The following ABLIM2 variants were observed in gnomAD, a reference collection of about 807,000 sequenced individuals.
ABLIM2 encodes actin binding LIM protein family member 2.
In ABLIM2, 53 loss-of-function variants were observed where a neutral mutation model predicts 97.7. The observed-to-expected ratio is 0.54, with a 90% CI of 0.44 to 0.68. The LOEUF is 0.68. Ranked by LOEUF, ABLIM2 falls within the 30% of genes least tolerant of loss-of-function variation. The probability of loss-of-function intolerance (pLI) is 0.00; values close to 1 mark genes in which losing one functional copy is unlikely to be tolerated. For missense variants in ABLIM2, 835 were observed against 867.2 expected (o/e 0.96, Z 0.47); for synonymous variants, 361 against 345.8 (o/e 1.04, Z -0.49).
chr4:8,136,276 G>C (rs1005917127), intron 1 of ABLIM2, among the ~76,000 whole-genome samples: 23 of 152,172 alleles, frequency 1.5e-4, no homozygotes, highest in African/African-American at 5.6e-4. Flanking sequence ...AGGGTGGGTG[G>C]CAGGGGCCGG....
Position 8,155,611 on chromosome 4 carries a change from AC to A in ABLIM2, c.10+3068del, listed in dbSNP as rs1561652334. ...TCTAAATTCATATGCTGAAGTCCTAACCCCCAGTACTCCAGGATGTGACTAT... is the reference window on the plus strand; with the variant it reads ...TCTAAATTCATATGCTGAAGTCCTAACCCCAGTACTCCAGGATGTGACTAT... On this transcript the variant is annotated intron_variant, in intron 1 of 20. Coordinates refer to ENST00000447017, the MANE Select transcript of ABLIM2 (RefSeq NM_001130083.2). The surrounding 1 kb of genome is among the most constrained non-coding windows in gnomAD (Gnocchi z 4.2). Among the ~76,000 whole-genome samples the A allele has an allele frequency of 6.6e-6, 1 of 151,954 alleles. No individual in the cohort carries two copies. The highest frequency in any genetic ancestry group is 1.9e-4 in the East Asian group (1 of 5,164).
chr4:8,013,979 A>G (rs1766913107), intron 14 of ABLIM2, among the ~76,000 whole-genome samples: 1 of 152,196 alleles, frequency 6.6e-6, no homozygotes, highest in South Asian at 2.1e-4. Context: ...CTAACCTCCA[A>G]GGATCTCTTG....
chr4:7,995,376 G>A (rs1253802922), intron 16 of ABLIM2, among the ~76,000 whole-genome samples: 3 of 152,224 alleles, frequency 2.0e-5, no homozygotes, highest in East Asian at 1.9e-4. Flanking sequence ...AGGCCTCCGA[G>A]GGGAAGGTGG....
rs1847092367 is a variant in ABLIM2, at chr4:8,124,726, T to A, written c.11-18089A>T. Among the ~76,000 whole-genome samples the A allele has an allele frequency of 6.6e-6, 1 of 152,240 alleles. No individual in the cohort carries two copies. Among genetic ancestry groups the A allele is most frequent in the South Asian group, 2.1e-4 (1 of 4,826 alleles). On this transcript the variant is annotated intron_variant, in intron 1 of 20. Transcript: ENST00000447017. The surrounding 1 kb of genome is among the most constrained non-coding windows in gnomAD (Gnocchi z 6.1). ...TAACACGGCTATGAACATTCGAGTG[T>A]GAATATTCGTGTGGACATAGGTTTG... is the stretch of plus-strand genomic sequence containing the variant.
At position 8,151,320 on chromosome 4, in the gene ABLIM2, A is replaced by G. The variant is rs142690147; in HGVS notation, c.10+7360T>C. Among the ~76,000 whole-genome samples the G allele has an allele frequency of 1.6e-4, 25 of 152,250 alleles. No homozygotes were observed. In the East Asian group the frequency reaches 4.8e-3, roughly 29 times the overall value. Reference sequence around the variant, plus strand: ...AGGCCTGGAAGCTGCTGATGGCGAGAAGCCCCAGAGCCAGCCCTGGCACCC... The same window carrying G: ...AGGCCTGGAAGCTGCTGATGGCGAGGAGCCCCAGAGCCAGCCCTGGCACCC... On this transcript the variant is annotated intron_variant, in intron 1 of 20. Transcript: ENST00000447017.
intron 2 of ABLIM2, among the ~76,000 whole-genome samples, chr4:8,105,316 T>A (rs1415188366): frequency 6.6e-6 from 1 of 152,206 alleles, no homozygotes; most frequent in Admixed American, 6.5e-5. Flanking sequence ...AAAGCCACCT[T>A]TTCAAATCGT....
In ABLIM2 at chr4:7,983,337, G is replaced by C; in HGVS notation, c.1751C>G (p.Pro584Arg). The change falls in exon 20 of 21, where the codon CCG becomes CGG. Residue 584 changes from proline (P) to arginine (R), a missense_variant. Physicochemically the swap from Pro to Arg is moderately radical, Grantham distance 103. Transcript: ENST00000447017. The part of the protein sequence containing the change: ...SWGMREYKIY[P>R]YDSLIVTNRI... ...GTTTGTGACGATGAGGGAGTCATAC[G>C]GATAGATCTGTTGGGGGAGGAAACC... The C allele has an allele frequency of 6.2e-7, 1 of 1,611,842 alleles. No homozygotes were observed. Among genetic ancestry groups the C allele is most frequent in the Non-Finnish European group, 8.5e-7 (1 of 1,179,252 alleles).
rs1456702973 is a variant in ABLIM2, at chr4:8,075,228, CAGAAG to C, written c.675+2395_675+2399del. ...CATGATTCCATTCATATGAAACGTCCAGAAGAGAAGTCTATGGAGACAGAAAGTAG... is the reference window on the plus strand; with the variant it reads ...CATGATTCCATTCATATGAAACGTCCAGAAGTCTATGGAGACAGAAAGTAG... On this transcript the variant is annotated intron_variant, in intron 6 of 20. Transcript: ENST00000447017. The surrounding 1 kb of genome is among the most constrained non-coding windows in gnomAD (Gnocchi z 4.4). Among the ~76,000 whole-genome samples, 2 of 145,940 alleles carry C rather than the reference CAGAAG, an allele frequency of 1.4e-5. No individual in the cohort carries two copies. The highest frequency in any genetic ancestry group is 1.4e-4 in the Admixed American group (2 of 14,192).
intron 1 of ABLIM2, among the ~76,000 whole-genome samples, chr4:8,106,958 A>G (rs1577998083): frequency 6.6e-6 from 1 of 151,918 alleles, no homozygotes; most frequent in Non-Finnish European, 1.5e-5. Context: ...TGAGGCCATC[A>G]CCTCCCCACC....
At chr4:8,158,255 G>T (rs985383865) in intron 1 of ABLIM2, among the ~76,000 whole-genome samples, 7 of 152,202 alleles carry the variant, frequency 4.6e-5, no homozygotes, top group African/African-American at 1.7e-4. Flanking sequence ...CGCAAGGGCG[G>T]CGCCCCCAGC....
chr4:8,153,047 T>C (rs1345059892), intron 1 of ABLIM2, among the ~76,000 whole-genome samples: 2 of 152,110 alleles, frequency 1.3e-5, no homozygotes, highest in East Asian at 1.9e-4. Flanking sequence ...ATCTAGGCTC[T>C]GGGGTTGGTT....
At position 8,158,728 on chromosome 4, in the gene ABLIM2, G is replaced by A. The variant is rs967266819; in HGVS notation, c.-39C>T. 26 of 1,424,436 alleles carry A rather than the reference G, an allele frequency of 1.8e-5. No individual in the cohort carries two copies. In the African/African-American group the frequency reaches 2.2e-4, roughly 12 times the overall value. 88.2% of individuals were successfully genotyped at this position (1,424,436 alleles called of 1,614,324 possible). On this transcript the variant is annotated 5_prime_UTR_variant, in exon 1 of 21. Coordinates refer to ENST00000447017, the MANE Select transcript of ABLIM2 (RefSeq NM_001130083.2). ...CGGAGTCGGGGCGGCCCGGCGCTGC[G>A]ACAGCCAGACCCTCGGGCCCGCAGG...
chr4:8,108,797 G>T (rs752379814), intron 1 of ABLIM2, among the ~76,000 whole-genome samples: 1 of 152,202 alleles, frequency 6.6e-6, no homozygotes, highest in Non-Finnish European at 1.5e-5. Flanking sequence ...TTGCCACAGC[G>T]GCTCTGAGAA....
chr4:8,137,921 C>T (rs774259992), intron 1 of ABLIM2, among the ~76,000 whole-genome samples: 1 of 152,238 alleles, frequency 6.6e-6, no homozygotes, highest in Non-Finnish European at 1.5e-5. Flanking sequence ...CGCCCAGGTG[C>T]CCTCCGGCAA....
chr4:7,998,797 T>A lies in ABLIM2; in HGVS notation c.1619-5870A>T. Reference sequence around the variant, plus strand: ...TGGGAGTGGGCAGGCAGGGCTGCTGTCCCTTGAGGTCCCGAGGCTGCCTCG... The same window carrying A: ...TGGGAGTGGGCAGGCAGGGCTGCTGACCCTTGAGGTCCCGAGGCTGCCTCG... On this transcript the variant is annotated intron_variant, in intron 16 of 20. Transcript: ENST00000447017. This position sits in a 1 kb window ranked among gnomAD's most constrained non-coding sequence, Gnocchi z 6.4. 2.3e-6 allele frequency: 1 copy of A among 442,320 alleles called. No homozygotes were observed. Among genetic ancestry groups the A allele is most frequent in the East Asian group, 7.1e-5 (1 of 14,184 alleles). 27.4% of individuals were successfully genotyped at this position (442,320 alleles called of 1,614,324 possible). A position where few individuals can be genotyped will look rare whatever the true frequency, so the allele number is the denominator to read the frequency against.
At chr4:8,013,211 C>T (rs1261523607) in intron 14 of ABLIM2, among the ~76,000 whole-genome samples, 2 of 144,434 alleles carry the variant, frequency 1.4e-5, no homozygotes. Flanking sequence ...TCTGGATAAA[C>T]ATTTTTCCTT....
chr4:7,975,795 G>A (rs1560347589), intron 20 of ABLIM2, among the ~76,000 whole-genome samples: 1 of 152,184 alleles, frequency 6.6e-6, no homozygotes, highest in Non-Finnish European at 1.5e-5. Context: ...TTAAAGTTGT[G>A]TTTTGGGAAC....
rs1025487563 is a variant in ABLIM2, at chr4:8,128,635, G to A, written c.11-21998C>T. Among the ~76,000 whole-genome samples, 3 of 152,356 alleles carry A rather than the reference G, an allele frequency of 2.0e-5. No individual in the cohort carries two copies. Among genetic ancestry groups the A allele is most frequent in the African/African-American group, 7.2e-5 (3 of 41,570 alleles). On this transcript the variant is annotated intron_variant, in intron 1 of 20. Coordinates refer to ENST00000447017, the MANE Select transcript of ABLIM2 (RefSeq NM_001130083.2). The surrounding 1 kb of genome is among the most constrained non-coding windows in gnomAD (Gnocchi z 4.9). Reference sequence around the variant, plus strand: ...GGCTCTAAGGCAGGAAAGCGATGAAGTCATTGTCTAGCCCAAGGCCACTGC... The same window carrying A: ...GGCTCTAAGGCAGGAAAGCGATGAAATCATTGTCTAGCCCAAGGCCACTGC...
At chr4:8,059,765 G>T (rs1435101536) in intron 7 of ABLIM2, among the ~76,000 whole-genome samples, 4 of 152,066 alleles carry the variant, frequency 2.6e-5, no homozygotes, top group Non-Finnish European at 5.9e-5. Flanking sequence ...AATTAGCCGG[G>T]TATGGTGGTG....
Sources: gnomAD v4.1 joint callset for allele counts (sites outside exome capture counted in the v4.1 genomes callset) on GRCh38, gnomAD v4.1.1 for gene constraint, Gnocchi (gnomAD v3.1) non-coding constraint, MANE v1.5 for transcripts, NCBI Gene and HGNC (gene_info 2026-07-23, HGNC 2026-07-21) for gene names.